The following MSI2 variants were observed in gnomAD, a reference collection of about 807,000 sequenced individuals.
The protein encoded by MSI2 is RNA-binding protein Musashi homolog 2.
In MSI2, 17 loss-of-function variants were observed where a neutral mutation model predicts 45.6. The observed-to-expected ratio is 0.37, with a 90% confidence interval of 0.26 to 0.56. The LOEUF (loss-of-function observed/expected upper bound fraction) is 0.56. Ranked by LOEUF, MSI2 falls within the 20% of genes least tolerant of loss-of-function variation. MSI2 has a pLI of 0.77. For missense variants in MSI2, 293 were observed against 444.2 expected (o/e 0.66, Z 3.06); for synonymous variants, 156 against 158.2 (o/e 0.99, Z 0.11).
the MSI2 span, among the ~76,000 whole-genome samples, chr17:57,692,138 T>C: frequency 3.9e-5 from 6 of 152,218 alleles, no homozygotes; most frequent in Non-Finnish European, 7.4e-5. Flanking sequence ...AATCTGCTGA[T>C]ATTGCGATTA....
chr17:57,400,982 T>C (rs2083978668), intron 5 of MSI2, among the ~76,000 whole-genome samples: 1 of 152,182 alleles, frequency 6.6e-6, no homozygotes, highest in African/African-American at 2.4e-5. Flanking sequence ...TCGTGTGCAT[T>C]TCTTATTGAC....
chr17:57,624,745 G>T (rs1238463984), intron 9 of MSI2, among the ~76,000 whole-genome samples: 1 of 152,212 alleles, frequency 6.6e-6, no homozygotes, highest in East Asian at 1.9e-4. Flanking sequence ...GGTTCTGGGG[G>T]AAGCAAGGGA....
intron 7 of MSI2, among the ~76,000 whole-genome samples, chr17:57,549,009 A>G (rs2087241005): frequency 6.6e-6 from 1 of 150,742 alleles, no homozygotes; most frequent in African/African-American, 2.4e-5. Context: ...ATAGACACCA[A>G]ACTTTTGACT....
intron 5 of MSI2, among the ~76,000 whole-genome samples, chr17:57,338,730 T>C (rs1056088022): frequency 3.9e-5 from 6 of 152,220 alleles, no homozygotes; most frequent in Non-Finnish European, 5.9e-5. Context: ...CTGCTATGGC[T>C]TTTTATTCAA....
At chr17:57,279,424 G>C (rs972279558) in intron 5 of MSI2, 2 of 152,164 alleles carry the variant, frequency 1.3e-5, no homozygotes, top group African/African-American at 2.4e-5. Flanking sequence ...ATTTTGGGGG[G>C]TGTAGCACAT....
At position 57,621,188 on chromosome 17, in the gene MSI2, A is replaced by G. The variant is rs116265008; in HGVS notation, c.652+5104A>G. 2.5e-3 allele frequency among the ~76,000 whole-genome samples: 381 copies of G among 152,284 alleles called. 1 individual carries two copies. Among genetic ancestry groups the G allele is most frequent in the African/African-American group, 8.1e-3 (337 of 41,552 alleles). On this transcript the variant is annotated intron_variant, in intron 9 of 13. Coordinates refer to ENST00000284073, the MANE Select transcript of MSI2 (RefSeq NM_138962.4). ...GGCCTGACATGACCCCATCAGTTAC[A>G]TGGGTCACCATCTCCACCGAGCACT...
At chr17:57,639,687 C>T (rs1200128779) in intron 10 of MSI2, among the ~76,000 whole-genome samples, 1 of 152,218 alleles carries the variant, frequency 6.6e-6, no homozygotes, top group Non-Finnish European at 1.5e-5. Flanking sequence ...TGAGCAGATG[C>T]TTGGCTGCCC....
intron 6 of MSI2, among the ~76,000 whole-genome samples, chr17:57,482,316 C>T (rs891757522): frequency 2.6e-5 from 4 of 152,194 alleles, no homozygotes; most frequent in Admixed American, 6.5e-5. Flanking sequence ...CTTTGGCGTT[C>T]ACGCTACAGT....
At chr17:57,444,861 CT>C in intron 6 of MSI2, 1 of 152,324 alleles carries the variant, frequency 6.6e-6, no homozygotes, top group Middle Eastern at 3.4e-3. Flanking sequence ...CCTGCTCTTC[CT>C]TTTCAACCAC....
At chr17:57,377,556 C>T (rs2083521000) in intron 5 of MSI2, among the ~76,000 whole-genome samples, 1 of 152,222 alleles carries the variant, frequency 6.6e-6, no homozygotes, top group Non-Finnish European at 1.5e-5. Flanking sequence ...TTCTCAGTGA[C>T]CTGCCCTATG....
chr17:57,572,457 T>C (rs1251949277), intron 7 of MSI2, among the ~76,000 whole-genome samples: 1 of 152,240 alleles, frequency 6.6e-6, no homozygotes, highest in African/African-American at 2.4e-5. Flanking sequence ...CTCTAGCTTC[T>C]GACGATTTGC....
At chr17:57,557,001 G>A (rs2087450680) in intron 7 of MSI2, among the ~76,000 whole-genome samples, 2 of 152,208 alleles carry the variant, frequency 1.3e-5, no homozygotes, top group Admixed American at 1.3e-4. Context: ...TGGATTGGCT[G>A]AGGCCTGAAA....
intron 11 of MSI2, among the ~76,000 whole-genome samples, chr17:57,671,799 G>A (rs1034827995): frequency 2.0e-5 from 3 of 152,224 alleles, no homozygotes; most frequent in African/African-American, 7.2e-5. Flanking sequence ...GTGCCGAGTG[G>A]CAGTCCCCAT....
intron 6 of MSI2, among the ~76,000 whole-genome samples, chr17:57,435,912 GCTCTA>G (rs959475793): frequency 6.6e-6 from 1 of 152,188 alleles, no homozygotes; most frequent in Non-Finnish European, 1.5e-5. Context: ...TGGGGGATTT[GCTCTA>G]CTATACACAT....
At chr17:57,406,070 A>T (rs1338166052) in intron 6 of MSI2, among the ~76,000 whole-genome samples, 3 of 152,156 alleles carry the variant, frequency 2.0e-5, no homozygotes, top group Non-Finnish European at 4.4e-5. Context: ...TCTCAGAAGG[A>T]GCAGGTTTTG....
chr17:57,359,225 G>T (rs78991065), intron 5 of MSI2, among the ~76,000 whole-genome samples: 3,312 of 152,266 alleles, frequency 0.022, 83 homozygotes, highest in East Asian at 0.092. Flanking sequence ...CCATCAAGCT[G>T]TCTGGGTCTC....
intron 5 of MSI2, among the ~76,000 whole-genome samples, chr17:57,273,505 C>A (rs1908564735): frequency 9.0e-6 from 1 of 111,100 alleles, no homozygotes. Flanking sequence ...CACACAACTG[C>A]AGAACAGACT....
At chr17:57,386,048 G>A (rs1361326268) in intron 5 of MSI2, among the ~76,000 whole-genome samples, 1 of 152,144 alleles carries the variant, frequency 6.6e-6, no homozygotes, top group Non-Finnish European at 1.5e-5. Context: ...GAATGCCAGT[G>A]GTTTCTGGCC....
intron 7 of MSI2, among the ~76,000 whole-genome samples, chr17:57,580,938 G>A (rs1227428536): frequency 6.8e-6 from 1 of 147,306 alleles, no homozygotes; most frequent in Admixed American, 6.9e-5. Context: ...CAACAGACTT[G>A]TGCAGGCATA....
Sources: allele counts gnomAD v4.1 joint callset (sites outside exome capture counted in the v4.1 genomes callset), GRCh38; gene constraint gnomAD v4.1.1; transcripts MANE v1.5; gene names NCBI Gene and HGNC (gene_info 2026-07-23, HGNC 2026-07-21).